Variants in ZC3H14 observed in about 807,000 individuals in gnomAD.
The protein encoded by ZC3H14 is zinc finger CCCH-type containing 14, also known as zinc finger CCCH domain-containing protein 14.
A neutral mutation model predicts 92.4 loss-of-function variants in ZC3H14; 31 were observed. The observed-to-expected ratio is 0.34, with a 90% CI of 0.25 to 0.45. The LOEUF (loss-of-function observed/expected upper bound fraction) is 0.45. Ranked by LOEUF, ZC3H14 falls within the 20% of genes least tolerant of loss-of-function variation. ZC3H14 has a pLI of 1.00. For synonymous variants in ZC3H14, 321 were observed against 300.9 expected (o/e 1.07, Z -0.69); for missense variants, 781 against 897.3 (o/e 0.87, Z 1.66).
intron 9 of ZC3H14, 54 bp downstream of exon 9, chr14:88,578,194 G>A: frequency 2.5e-6 from 4 of 1,593,274 alleles, no homozygotes; most frequent in Non-Finnish European, 3.4e-6. Flanking sequence ...ATGAGGCATT[G>A]AATATTTTCC....
chr14:88,576,451 A>G (rs891963852), intron 8 of ZC3H14, among the ~76,000 whole-genome samples: 2 of 152,238 alleles, frequency 1.3e-5, no homozygotes, highest in African/African-American at 4.8e-5. Context: ...ATTCTAGTGG[A>G]AGTACTGAAT....
intron 9 of ZC3H14, among the ~76,000 whole-genome samples, chr14:88,582,901 TTTC>T (rs1295876831): frequency 2.0e-5 from 3 of 152,156 alleles, no homozygotes; most frequent in Non-Finnish European, 2.9e-5. Flanking sequence ...GTTAATTTTT[TTTC>T]TTCTTTTGTT....
At chr14:88,609,560 T>G in intron 14 of ZC3H14, 152 bp from the exon 15 acceptor site, 1 of 1,355,656 alleles carries the variant, frequency 7.4e-7, no homozygotes, top group East Asian at 2.4e-5. Flanking sequence ...TGCCTATCTG[T>G]AGTATTCCGA....
chr14:88,603,973 C>T (rs143336548), intron 12 of ZC3H14, among the ~76,000 whole-genome samples: 243 of 152,198 alleles, frequency 1.6e-3, no homozygotes, highest in African/African-American at 4.9e-3. Flanking sequence ...GACGTAGTGT[C>T]GTGGTTTTGA....
At chr14:88,609,437 A>G in intron 14 of ZC3H14, 34 bp downstream of exon 14, 1 of 1,613,746 alleles carries the variant, frequency 6.2e-7, no homozygotes. Context: ...CATTTGGGTA[A>G]AAAATATAAA....
intron 6 of ZC3H14, 152 bp from the exon 7 acceptor site, chr14:88,574,541 C>A (rs1478485218): frequency 7.4e-6 from 7 of 946,632 alleles, no homozygotes; most frequent in African/African-American, 6.6e-5. Flanking sequence ...CCACACCCAG[C>A]CTCATATTTA....
chr14:88,622,076 A>C lies in ZC3H14; in HGVS notation c.*10325A>C. 1.6e-5 allele frequency: 4 copies of C among 245,866 alleles called. No homozygotes were observed. Among genetic ancestry groups the C allele is most frequent in the East Asian group, 8.8e-5 (1 of 11,396 alleles). 15.2% of individuals were successfully genotyped at this position (245,866 alleles called of 1,614,324 possible). On this transcript the variant is annotated 3_prime_UTR_variant, in exon 17 of 17. Coordinates refer to ENST00000251038, the MANE Select transcript of ZC3H14 (RefSeq NM_024824.5). ...TCCAGTAACCACTATTCTACTCTCC[A>C]CCTCTGTGGGATCAACTTTTTTAGT...
rs755765227 is a variant in ZC3H14, at chr14:88,572,797, A to G, written c.651A>G (p.Pro217=). 2 of 1,614,134 alleles carry G rather than the reference A, an allele frequency of 1.2e-6. No individual in the cohort carries two copies. The highest frequency in any genetic ancestry group is 4.5e-5 in the East Asian group (2 of 44,870). The change falls in exon 6 of 17, where the codon CCA becomes CCG. Residue 217 remains proline, a synonymous_variant. Transcript: ENST00000251038. ...GCCCTTCTATTGAAATTTATCGACC[A>G]CCTGCAAGTAGAAATGCAGATAGTG... ...SSRPSIEIYR[P]PASRNADSGV...
At chr14:88,609,879 G>T in intron 15 of ZC3H14, 76 bp downstream of exon 15, 1 of 1,474,550 alleles carries the variant, frequency 6.8e-7, no homozygotes. Context: ...TTTTGTCAGA[G>T]TTACTACATT....
In ZC3H14 at chr14:88,575,921, A is replaced by G; in HGVS notation, c.1104A>G (p.Lys368=). 6.2e-7 allele frequency: 1 copy of G among 1,612,112 alleles called. No homozygotes were observed. Among genetic ancestry groups the G allele is most frequent in the Non-Finnish European group, 8.5e-7 (1 of 1,178,324 alleles). The change falls in exon 8 of 17, where the codon AAA becomes AAG. Residue 368 remains lysine, a synonymous_variant. Coordinates refer to ENST00000251038, the MANE Select transcript of ZC3H14 (RefSeq NM_024824.5). ...CTGAAGCTCAAGAATCCGTAACAAA[A>G]ACAACTAACTACTCTACAGGTAATT... The part of the protein sequence containing the change: ...AISEAQESVT[K]TTNYSTVPQK...
chr14:88,597,283 C>G (rs926103713), intron 10 of ZC3H14, among the ~76,000 whole-genome samples: 2 of 152,188 alleles, frequency 1.3e-5, no homozygotes, highest in Non-Finnish European at 2.9e-5. Flanking sequence ...TTCCTCTCCC[C>G]ACAGACACAC....
At chr14:88,574,600 G>C (rs117977348) in intron 6 of ZC3H14, 93 bp from the exon 7 acceptor site, 5 of 1,443,650 alleles carry the variant, frequency 3.5e-6, no homozygotes, top group Non-Finnish European at 4.9e-6. Context: ...TCATATTACT[G>C]TGTACTGTTT....
Position 88,615,625 on chromosome 14 carries a change from G to C in ZC3H14, c.*3874G>C. 1 of 558,476 alleles carries C rather than the reference G, an allele frequency of 1.8e-6. No individual in the cohort carries two copies. The highest frequency in any genetic ancestry group is 3.1e-6 in the Non-Finnish European group (1 of 319,624). The allele number at this position is 558,476 out of a possible 1,614,324, so 34.6% of individuals were successfully genotyped here. The stretch of plus-strand genomic sequence containing the variant: ...AAATGGCATTATCTGGCAGTGTATG[G>C]ATTACGGATTATACCCAGTGCATAT... On this transcript the variant is annotated 3_prime_UTR_variant, in exon 17 of 17. Coordinates refer to ENST00000251038, the MANE Select transcript of ZC3H14 (RefSeq NM_024824.5).
intron 2 of ZC3H14, among the ~76,000 whole-genome samples, chr14:88,564,219 G>A (rs1453371338): frequency 6.6e-6 from 1 of 152,202 alleles, no homozygotes; most frequent in Non-Finnish European, 1.5e-5. Context: ...ATGGTTCAGT[G>A]AGTTTTATTT....
intron 2 of ZC3H14, among the ~76,000 whole-genome samples, chr14:88,564,717 C>A (rs568529466): frequency 3.4e-4 from 52 of 152,122 alleles, no homozygotes; most frequent in African/African-American, 1.2e-3. Flanking sequence ...TCTTTTTGAG[C>A]CAATTACACT....
At chr14:88,569,442 T>C (rs2080118454) in intron 3 of ZC3H14, among the ~76,000 whole-genome samples, 1 of 152,208 alleles carries the variant, frequency 6.6e-6, no homozygotes, top group South Asian at 2.1e-4. Flanking sequence ...CTTTTATACA[T>C]AAATTACTGT....
At position 88,616,169 on chromosome 14, in the gene ZC3H14, A is replaced by T; in HGVS notation, c.*4418A>T. On this transcript the variant is annotated 3_prime_UTR_variant, in exon 17 of 17. Coordinates refer to ENST00000251038, the MANE Select transcript of ZC3H14 (RefSeq NM_024824.5). ...GCAGTCATCACCTCCAGCACTAACA[A>T]CATGTCGATCACCACTGGTAAATCG... The T allele has an allele frequency of 1.2e-6, 2 of 1,613,934 alleles. No homozygotes were observed. The highest frequency in any genetic ancestry group is 1.1e-5 in the South Asian group (1 of 91,080).
At position 88,616,267 on chromosome 14, in the gene ZC3H14, CAG is replaced by C; in HGVS notation, c.*4517_*4518del. 6.2e-7 allele frequency: 1 copy of C among 1,608,920 alleles called. No homozygotes were observed. Among genetic ancestry groups the C allele is most frequent in the East Asian group, 2.2e-5 (1 of 44,852 alleles). ...CCTAAAAAACAATGACAGACAAGCT[CAG>C]GGCATTTGGTGCACACAGAAGTCAA... On this transcript the variant is annotated 3_prime_UTR_variant, in exon 17 of 17. Coordinates refer to ENST00000251038, the MANE Select transcript of ZC3H14 (RefSeq NM_024824.5).
chr14:88,575,951 T>A lies in ZC3H14; in HGVS notation c.1123+11T>A. On this transcript the variant is annotated intron_variant, in intron 8 of 16. Coordinates refer to ENST00000251038, the MANE Select transcript of ZC3H14 (RefSeq NM_024824.5). ...CTAACTACTCTACAGGTAATTTAAA[T>A]GTATTATGTTTACACTTGGTAAGAC... is the stretch of plus-strand genomic sequence containing the variant. 5.1e-6 allele frequency: 8 copies of A among 1,582,738 alleles called. No homozygotes were observed. The highest frequency in any genetic ancestry group is 1.3e-5 in the African/African-American group (1 of 74,206).
Sources: gnomAD v4.1 joint callset for allele counts (sites outside exome capture counted in the v4.1 genomes callset) on GRCh38, gnomAD v4.1.1 for gene constraint, MANE v1.5 for transcripts, NCBI Gene and HGNC (gene_info 2026-07-23, HGNC 2026-07-21) for gene names.